The following ENOX2 variants were observed in gnomAD, a reference collection of about 807,000 sequenced individuals.
ENOX2 encodes ecto-NOX disulfide-thiol exchanger 2, also known as APK1 antigen.
In ENOX2, 36 loss-of-function variants were observed where a neutral mutation model predicts 45.0. The ratio of observed to expected loss-of-function variants is 0.80; its 90% CI spans 0.61 to 1.06. ENOX2 has a LOEUF of 1.06. ENOX2 is among the 50% of genes least tolerant of loss of function. The pLI, the probability that ENOX2 is intolerant of heterozygous loss-of-function variation, is 0.00. For missense variants in ENOX2, 423 were observed against 462.5 expected, an observed-to-expected ratio of 0.91 and a Z score of 0.78; for synonymous variants, 174 against 152.3, an observed-to-expected ratio of 1.14 and a Z score of -1.05.
At chrX:130,682,663 T>C (rs1343650601) in intron 5 of ENOX2, among the ~76,000 whole-genome samples, 1 of 107,383 alleles carries the variant, frequency 9.3e-6, no homozygotes, top group Non-Finnish European at 1.9e-5. Flanking sequence ...GTGATTCTTC[T>C]GTGGTGACTG....
intron 9 of ENOX2, among the ~76,000 whole-genome samples, chrX:130,662,214 G>A (rs993679861): frequency 2.7e-5 from 3 of 111,958 alleles, no homozygotes; most frequent in African/African-American, 9.7e-5. Context: ...AATCAGGAAC[G>A]TAAAGCAATG....
rs934008059 is a variant in ENOX2 at position 130,879,142 on chromosome X, ACCCCACG to A, written c.-183+22535_-183+22541del. On this transcript the variant is annotated intron_variant, in intron 2 of 14. Transcript: ENST00000394363. ...TTTGCAATTCCTGTTCCACCTCCAA[ACCCCACG>A]GTCAAGGTTTGGGAAAATGCCAACC... Among the ~76,000 whole-genome samples, 6 of 111,108 alleles carry A rather than the reference ACCCCACG, an allele frequency of 5.4e-5. No homozygotes were observed. The Admixed American group carries it at 5.7e-4, about 11-fold the overall frequency.
Position 130,805,054 on chromosome X carries a change from A to G in ENOX2, c.-182-21364T>C, listed in dbSNP as rs975202992. Among the ~76,000 whole-genome samples the G allele has an allele frequency of 3.5e-4, 39 of 111,689 alleles. No individual in the cohort carries two copies. The Admixed American group carries it at 3.5e-3, about 10-fold the overall frequency. On this transcript the variant is annotated intron_variant, in intron 2 of 14. Coordinates refer to ENST00000394363, the MANE Select transcript of ENOX2 (RefSeq NM_006375.4). Reference sequence around the variant, plus strand: ...CTTCCACCATATGAGGACACATACAAGGTACCATACATGAGGCAGAAAGCC... The same window carrying G: ...CTTCCACCATATGAGGACACATACAGGGTACCATACATGAGGCAGAAAGCC...
intron 10 of ENOX2, among the ~76,000 whole-genome samples, chrX:130,640,260 G>GA (rs1241395171): frequency 1.8e-5 from 2 of 111,694 alleles, no homozygotes; most frequent in Non-Finnish European, 3.8e-5. Context: ...AAAACAAAAA[G>GA]AAAAAAACAA....
At chrX:130,711,033 T>C (rs901114184) in intron 3 of ENOX2, among the ~76,000 whole-genome samples, 1 of 111,591 alleles carries the variant, frequency 9.0e-6, no homozygotes, top group African/African-American at 3.3e-5. Flanking sequence ...ACCTCGCATA[T>C]AGTAGGCATT....
At chrX:130,902,979 C>G (rs762572410) in intron 1 of ENOX2, 70 bp downstream of exon 1, 1 of 110,504 alleles carries the variant, frequency 9.0e-6, no homozygotes, top group African/African-American at 3.3e-5. Context: ...CCCGGAAGCA[C>G]CCTCCTCCCT....
At position 130,884,723 on chromosome X, in the gene ENOX2, TGAGAGAGAGA is replaced by T. The variant is rs369147801; in HGVS notation, c.-183+16951_-183+16960del. On this transcript the variant is annotated intron_variant, in intron 2 of 14. Transcript: ENST00000394363. ...TTTAAAAGATAAGAATGCTGATCTA[TGAGAGAGAGA>T]GAGAGAGAGAGAAAGAGAGACACAG... Among the ~76,000 whole-genome samples the T allele has an allele frequency of 7.4e-4, 79 of 106,292 alleles. 2 individuals are homozygous for T. The highest frequency in any genetic ancestry group is 2.6e-3 in the African/African-American group (76 of 29,464). The allele number at this position is 106,292 out of a possible 115,157, so 92.3% of individuals were successfully genotyped here.
intron 3 of ENOX2, among the ~76,000 whole-genome samples, chrX:130,761,370 TC>T (rs2039486289): frequency 8.9e-6 from 1 of 111,968 alleles, no homozygotes; most frequent in Admixed American, 9.5e-5. Flanking sequence ...ATTCAAATTA[TC>T]CATTTAAACT....
chrX:130,710,065 A>G (rs940269348), intron 3 of ENOX2, among the ~76,000 whole-genome samples: 2 of 111,736 alleles, frequency 1.8e-5, no homozygotes, highest in African/African-American at 3.3e-5. Flanking sequence ...AAGACTAATA[A>G]GAGTCAACAG....
intron 2 of ENOX2, among the ~76,000 whole-genome samples, chrX:130,867,556 G>A (rs887361199): frequency 2.7e-5 from 3 of 111,708 alleles, no homozygotes; most frequent in African/African-American, 6.5e-5. Context: ...ATCTTCCAAT[G>A]TTACACATTT....
intron 2 of ENOX2, among the ~76,000 whole-genome samples, chrX:130,821,894 C>T (rs1244347362): frequency 2.9e-5 from 3 of 104,970 alleles, no homozygotes; most frequent in South Asian, 8.8e-4. Flanking sequence ...GGCAAAACCC[C>T]GTTTCTACAA....
chrX:130,722,542 T>C (rs1435589914), intron 3 of ENOX2, among the ~76,000 whole-genome samples: 1 of 112,191 alleles, frequency 8.9e-6, no homozygotes. Context: ...GGCTGTATCT[T>C]GAAATCTGTC....
intron 10 of ENOX2, chrX:130,645,890 C>T (rs1468597470): frequency 2.5e-5 from 17 of 671,854 alleles, no homozygotes; most frequent in Non-Finnish European, 4.2e-5. Flanking sequence ...ATGATCAGCC[C>T]ATCCCGTGGA....
chrX:130,839,757 C>A (rs1213041771), intron 2 of ENOX2, among the ~76,000 whole-genome samples: 2 of 111,689 alleles, frequency 1.8e-5, no homozygotes, highest in South Asian at 7.4e-4. Context: ...CAACCATACT[C>A]CTCACAGCTC....
intron 10 of ENOX2, among the ~76,000 whole-genome samples, chrX:130,647,001 C>T (rs2036254309): frequency 8.9e-6 from 1 of 112,445 alleles, no homozygotes; most frequent in Non-Finnish European, 1.9e-5. Flanking sequence ...AACTCAGACA[C>T]TCTTCCATTC....
chrX:130,756,159 A>G (rs774934169), intron 3 of ENOX2, among the ~76,000 whole-genome samples: 52 of 112,157 alleles, frequency 4.6e-4, no homozygotes, highest in African/African-American at 1.4e-3. Context: ...AAAAGCATAA[A>G]TTCAGGAATG....
At chrX:130,686,744 C>T (rs975447040) in intron 5 of ENOX2, among the ~76,000 whole-genome samples, 4 of 112,192 alleles carry the variant, frequency 3.6e-5, no homozygotes, top group Non-Finnish European at 7.5e-5. Flanking sequence ...AAGAGAAGCA[C>T]TTCTATTAGT....
chrX:130,876,055 A>G (rs2078695069), intron 2 of ENOX2, among the ~76,000 whole-genome samples: 1 of 111,865 alleles, frequency 8.9e-6, no homozygotes, highest in African/African-American at 3.2e-5. Flanking sequence ...ACCTCCTCAA[A>G]AGGTTAAACA....
At chrX:130,769,971 T>C (rs961369988) in intron 3 of ENOX2, among the ~76,000 whole-genome samples, 2 of 112,252 alleles carry the variant, frequency 1.8e-5, no homozygotes, top group African/African-American at 3.2e-5. Flanking sequence ...CATTTCCCTT[T>C]ATAGACATGA....
Sources: gnomAD v4.1 joint callset for allele counts (sites outside exome capture counted in the v4.1 genomes callset) on GRCh38, gnomAD v4.1.1 for gene constraint, MANE v1.5 for transcripts, NCBI Gene and HGNC (gene_info 2026-07-23, HGNC 2026-07-21) for gene names.